GALNT3: variants seen among roughly 807,000 people sequenced by gnomAD.
GALNT3 encodes GalNAc transferase 3.
In GALNT3, 51 loss-of-function variants were observed where a neutral mutation model predicts 69.8. The ratio of observed to expected loss-of-function variants is 0.73; its 90% confidence interval spans 0.58 to 0.92. The LOEUF (loss-of-function observed/expected upper bound fraction) is 0.92. Ranked by LOEUF, GALNT3 falls within the 40% of genes least tolerant of loss-of-function variation. GALNT3 has a pLI of 0.00. For missense variants in GALNT3, 711 were observed against 760.0 expected (o/e 0.94, Z 0.76); for synonymous variants, 265 against 248.5 (o/e 1.07, Z -0.63).
intron 1 of GALNT3, among the ~76,000 whole-genome samples, chr2:165,777,279 T>C (rs1682980668): frequency 6.6e-6 from 1 of 152,004 alleles, no homozygotes; most frequent in Non-Finnish European, 1.5e-5. Context: ...GTAACCACAC[T>C]AAGCAGAAAA....
chr2:165,793,172 G>C (rs908777710), intron 1 of GALNT3, among the ~76,000 whole-genome samples: 1 of 152,132 alleles, frequency 6.6e-6, no homozygotes, highest in Non-Finnish European at 1.5e-5. Flanking sequence ...ATCTGGGCCT[G>C]GCACACCCAA....
At chr2:165,781,920 A>G (rs1400451511) in intron 1 of GALNT3, among the ~76,000 whole-genome samples, 1 of 152,176 alleles carries the variant, frequency 6.6e-6, no homozygotes, top group Non-Finnish European at 1.5e-5. Flanking sequence ...ATTGGCAGAA[A>G]AAGATATTAA....
chr2:165,769,729 T>G (rs1409299978), intron 2 of GALNT3, among the ~76,000 whole-genome samples: 1 of 152,184 alleles, frequency 6.6e-6, no homozygotes, highest in East Asian at 1.9e-4. Context: ...ACAAAGTCTG[T>G]GAATTGCTTT....
intron 1 of GALNT3, among the ~76,000 whole-genome samples, chr2:165,780,997 T>G (rs1483746675): frequency 6.6e-6 from 1 of 152,186 alleles, no homozygotes; most frequent in Non-Finnish European, 1.5e-5. Flanking sequence ...AGTCAGAAGG[T>G]GTTTATCAAA....
chr2:165,775,588 T>C (rs1462295803), intron 1 of GALNT3, among the ~76,000 whole-genome samples: 1 of 152,208 alleles, frequency 6.6e-6, no homozygotes, highest in Non-Finnish European at 1.5e-5. Flanking sequence ...AATATTAGGC[T>C]TCCATTAATG....
At chr2:165,791,532 A>G (rs1683351432) in intron 1 of GALNT3, among the ~76,000 whole-genome samples, 1 of 152,186 alleles carries the variant, frequency 6.6e-6, no homozygotes, top group Non-Finnish European at 1.5e-5. Flanking sequence ...GAGTTTACAG[A>G]GTTGAGGCAG....
intron 9 of GALNT3, among the ~76,000 whole-genome samples, chr2:165,751,236 T>C (rs13427924): frequency 0.4 from 60,063 of 152,040 alleles, 13,088 homozygotes; most frequent in Non-Finnish European, 0.5. Context: ...TTATTACATG[T>C]TAGGCAGGCA....
chr2:165,749,632 G>C lies in GALNT3; in HGVS notation c.1779+110C>G, dbSNP rs143974566. On this transcript the variant is annotated intron_variant, in intron 10 of 10. Coordinates refer to ENST00000392701, the MANE Select transcript of GALNT3 (RefSeq NM_004482.4). ...CATAATAACAAAGTTAATAAAGGGA[G>C]AGAAATTCTGATAGATAATATTAAT... 1.6e-4 allele frequency: 157 copies of C among 969,398 alleles called. 1 individual carries two copies. In the East Asian group the frequency reaches 3.4e-3, roughly 21 times the overall value. 60.0% of individuals were successfully genotyped at this position (969,398 alleles called of 1,614,324 possible).
chr2:165,793,864 G>C (rs550837385), intron 1 of GALNT3, 151 bp downstream of exon 1: 139 of 152,754 alleles, frequency 9.1e-4, no homozygotes, highest in Non-Finnish European at 1.5e-3. Flanking sequence ...ATCTCTCCAG[G>C]GGCAACCGAC....
chr2:165,754,497 T>G, intron 9 of GALNT3, 130 bp downstream of exon 9: 2 of 678,656 alleles, frequency 2.9e-6, no homozygotes, highest in Non-Finnish European at 5.2e-6. Flanking sequence ...ATTGCCAAAC[T>G]CAGTCTGAAA....
In GALNT3 at chr2:165,794,158, G is replaced by C. The variant is rs540533361; in HGVS notation, c.-252C>G. 2 of 152,728 alleles carry C rather than the reference G, an allele frequency of 1.3e-5. No homozygotes were observed. The highest frequency in any genetic ancestry group is 4.8e-5 in the African/African-American group (2 of 41,470). 9.5% of individuals were successfully genotyped at this position (152,728 alleles called of 1,614,324 possible). ...GGCTCAGTAGAGCTCCTCCTCCGCC[G>C]CCGCCTCCTGCCTTCCCGCTGGGCC... On this transcript the variant is annotated 5_prime_UTR_variant, in exon 1 of 11. Transcript: ENST00000392701.
chr2:165,786,468 G>A (rs181684193), intron 1 of GALNT3, among the ~76,000 whole-genome samples: 7 of 152,222 alleles, frequency 4.6e-5, no homozygotes, highest in Admixed American at 2.6e-4. Flanking sequence ...TGTTCATGTC[G>A]CTTTTATAAA....
chr2:165,747,665 A>AT lies in GALNT3; in HGVS notation c.*1115dup, dbSNP rs1558991523. ...GAACACAGGAATTTTGCTATTCCTC[A>AT]TTTTTTGTGCCATAAGAAATATCTG... On this transcript the variant is annotated 3_prime_UTR_variant, in exon 11 of 11. Coordinates refer to ENST00000392701, the MANE Select transcript of GALNT3 (RefSeq NM_004482.4). 6.5e-6 allele frequency: 1 copy of AT among 153,408 alleles called. No individual in the cohort carries two copies. The highest frequency in any genetic ancestry group is 2.1e-4 in the South Asian group (1 of 4,846). 9.5% of individuals were successfully genotyped at this position (153,408 alleles called of 1,614,324 possible).
At chr2:165,765,645 C>T (rs1688625598) in intron 2 of GALNT3, among the ~76,000 whole-genome samples, 1 of 152,028 alleles carries the variant, frequency 6.6e-6, no homozygotes, top group Non-Finnish European at 1.5e-5. Flanking sequence ...CCCACCACCA[C>T]ACCCGGCTAA....
chr2:165,759,037 G>A (rs187498680), intron 5 of GALNT3, among the ~76,000 whole-genome samples, 173 bp from the exon 6 acceptor site: 24 of 152,208 alleles, frequency 1.6e-4, no homozygotes, highest in African/African-American at 4.3e-4. Context: ...GGGTCGGGGG[G>A]AGTACTTCGT....
intron 10 of GALNT3, 41 bp from the exon 11 acceptor site, chr2:165,748,944 C>G (rs781583275): frequency 6.3e-7 from 1 of 1,578,498 alleles, no homozygotes; most frequent in African/African-American, 1.3e-5. Context: ...TTCCAAGACT[C>G]ATAGTTAAGT....
At chr2:165,784,998 C>T (rs1451498543) in intron 1 of GALNT3, among the ~76,000 whole-genome samples, 1 of 152,144 alleles carries the variant, frequency 6.6e-6, no homozygotes, top group East Asian at 1.9e-4. Flanking sequence ...GTTTTTCCCC[C>T]TTTCTCCTTA....
In GALNT3 at chr2:165,770,691, G is replaced by A; in HGVS notation, c.10C>T (p.Leu4=). The part of the protein sequence containing the change: MAH[L]KRLVKLHIKR... ...ATGTGTAATTTTACTAGTCGCTTTAGGTGAGCCATTCTGACATTAAAAGCT... is the reference window on the plus strand; with the variant it reads ...ATGTGTAATTTTACTAGTCGCTTTAAGTGAGCCATTCTGACATTAAAAGCT... The change falls in exon 2 of 11, where the codon CTA becomes TTA. Residue 4 remains leucine (L), a synonymous_variant. Transcript: ENST00000392701. 2 of 1,603,482 alleles carry A rather than the reference G, an allele frequency of 1.2e-6. No homozygotes were observed. The highest frequency in any genetic ancestry group is 1.7e-6 in the Non-Finnish European group (2 of 1,179,600).
At chr2:165,788,324 A>G (rs1485367323) in intron 1 of GALNT3, among the ~76,000 whole-genome samples, 1 of 151,360 alleles carries the variant, frequency 6.6e-6, no homozygotes, top group Non-Finnish European at 1.5e-5. Flanking sequence ...CTCAAAAAAA[A>G]AAAAAAAAAA....
Sources: gnomAD v4.1 joint callset for allele counts (sites outside exome capture counted in the v4.1 genomes callset) on GRCh38, gnomAD v4.1.1 for gene constraint, MANE v1.5 for transcripts, NCBI Gene and HGNC (gene_info 2026-07-23, HGNC 2026-07-21) for gene names.